The following EXT1 variants were observed in gnomAD, a reference collection of about 807,000 sequenced individuals.
The protein encoded by EXT1 is exostosin glycosyltransferase 1.
Under a neutral mutation model 82.5 loss-of-function variants are expected in EXT1, and 20 were observed. The ratio of observed to expected loss-of-function variants is 0.24; its 90% CI spans 0.17 to 0.35. The LOEUF (loss-of-function observed/expected upper bound fraction) is 0.35, where lower values mean the gene tolerates loss of function less well. Among genes scored for constraint, EXT1 ranks in the 10% least tolerant of loss-of-function variants. The probability of loss-of-function intolerance (pLI) is 1.00; values close to 1 mark genes in which losing one functional copy is unlikely to be tolerated. For synonymous variants in EXT1, 348 were observed against 350.8 expected (o/e 0.99, Z 0.09); for missense variants, 757 against 936.5 (o/e 0.81, Z 2.50).
intron 1 of EXT1, among the ~76,000 whole-genome samples, chr8:117,870,591 C>T (rs1392110701): frequency 2.7e-5 from 4 of 150,680 alleles, no homozygotes; most frequent in Non-Finnish European, 4.4e-5. Context: ...ATTGTGGACA[C>T]ATGGCTCATT....
At chr8:118,073,769 T>C (rs183001367) in intron 1 of EXT1, among the ~76,000 whole-genome samples, 2 of 152,332 alleles carry the variant, frequency 1.3e-5, no homozygotes, top group East Asian at 3.9e-4. Context: ...TTCATGCCCA[T>C]TCATTTCAGA....
At chr8:118,086,829 T>G (rs1817427893) in intron 1 of EXT1, among the ~76,000 whole-genome samples, 1 of 152,220 alleles carries the variant, frequency 6.6e-6, no homozygotes, top group Non-Finnish European at 1.5e-5. Flanking sequence ...CAATTAGTTT[T>G]GTAGTAGACA....
intron 4 of EXT1, among the ~76,000 whole-genome samples, chr8:117,829,023 C>A (rs527385182): frequency 1.1e-4 from 16 of 152,098 alleles, no homozygotes; most frequent in Non-Finnish European, 1.0e-4. Flanking sequence ...AGTGTAGGTT[C>A]CATATTACAT....
At chr8:117,804,951 C>T in intron 9 of EXT1, 58 bp from the exon 10 acceptor site, 1 of 1,555,728 alleles carries the variant, frequency 6.4e-7, no homozygotes, top group South Asian at 1.1e-5. Flanking sequence ...GACAAGTGGA[C>T]TTCTGAGACA....
intron 1 of EXT1, among the ~76,000 whole-genome samples, chr8:117,884,245 G>A (rs1813109656): frequency 6.6e-6 from 1 of 152,160 alleles, no homozygotes; most frequent in Non-Finnish European, 1.5e-5. Flanking sequence ...CTCCATCCCA[G>A]ACAGCAGGAA....
intron 1 of EXT1, among the ~76,000 whole-genome samples, chr8:117,915,645 A>T (rs1000564707): frequency 6.6e-6 from 1 of 152,202 alleles, no homozygotes; most frequent in South Asian, 2.1e-4. Flanking sequence ...ACCTGAGGTG[A>T]GGAGTTCGAG....
intron 1 of EXT1, among the ~76,000 whole-genome samples, chr8:117,888,719 C>G (rs1173397720): frequency 1.3e-5 from 2 of 152,184 alleles, no homozygotes; most frequent in African/African-American, 4.8e-5. Context: ...TCTGCTTATT[C>G]AAGATCTGTT....
At chr8:117,944,846 G>A (rs1478123522) in intron 1 of EXT1, among the ~76,000 whole-genome samples, 2 of 152,146 alleles carry the variant, frequency 1.3e-5, no homozygotes, top group Non-Finnish European at 2.9e-5. Context: ...CTATGGACCA[G>A]GTCTATGCTC....
intron 1 of EXT1, among the ~76,000 whole-genome samples, chr8:117,921,453 C>T (rs1040186963): frequency 3.3e-5 from 5 of 152,142 alleles, no homozygotes; most frequent in Admixed American, 3.3e-4. Context: ...AGAAACATTG[C>T]CTAGAAATCT....
chr8:118,053,938 C>T (rs1419886516), intron 1 of EXT1, among the ~76,000 whole-genome samples: 2 of 152,302 alleles, frequency 1.3e-5, no homozygotes, highest in East Asian at 3.9e-4. Flanking sequence ...AAGCAGTGGT[C>T]TTCAGTGACC....
At chr8:118,105,204 T>C (rs1287804267) in intron 1 of EXT1, among the ~76,000 whole-genome samples, 1 of 152,186 alleles carries the variant, frequency 6.6e-6, no homozygotes, top group Admixed American at 6.5e-5. Context: ...CAGGAGTTTC[T>C]AGCACTGTGT....
intron 1 of EXT1, among the ~76,000 whole-genome samples, chr8:118,050,976 G>T (rs757226123): frequency 2.0e-5 from 3 of 152,106 alleles, no homozygotes; most frequent in Non-Finnish European, 4.4e-5. Context: ...CTCACAGAAA[G>T]AATGGGAAAA....
chr8:117,951,334 T>C (rs928030267), intron 1 of EXT1, among the ~76,000 whole-genome samples: 12 of 152,238 alleles, frequency 7.9e-5, no homozygotes, highest in Non-Finnish European at 1.5e-4. Flanking sequence ...AGTGAGAATA[T>C]AGGTTCAGGG....
intron 1 of EXT1, among the ~76,000 whole-genome samples, chr8:117,857,523 C>T (rs983224193): frequency 7.6e-6 from 1 of 131,464 alleles, no homozygotes; most frequent in African/African-American, 3.1e-5. Context: ...GGCAACACGG[C>T]AAGACTTCCC....
rs372594513 is a variant in EXT1, at chr8:117,824,694, T to C, written c.1285-2097A>G. On this transcript the variant is annotated intron_variant, in intron 4 of 10. Coordinates refer to ENST00000378204, the MANE Select transcript of EXT1 (RefSeq NM_000127.3). ...TCCATTTATTACATAGTGGTAATAG[T>C]ATAGATATTACATAATACAGCTATT... 3.9e-5 allele frequency among the ~76,000 whole-genome samples: 6 copies of C among 152,210 alleles called. No individual in the cohort carries two copies. The East Asian group carries it at 7.7e-4, about 20-fold the overall frequency.
intron 1 of EXT1, among the ~76,000 whole-genome samples, chr8:118,060,751 T>C (rs1401174674): frequency 6.6e-6 from 1 of 152,200 alleles, no homozygotes; most frequent in East Asian, 1.9e-4. Context: ...TAGGGCTGTA[T>C]CAACATGTCC....
At chr8:117,975,767 G>C (rs2219724) in intron 1 of EXT1, among the ~76,000 whole-genome samples, 1 of 152,094 alleles carries the variant, frequency 6.6e-6, no homozygotes. Flanking sequence ...CAGTGCTTCA[G>C]AAATGCTTGT....
At chr8:117,841,322 T>C (rs1183653441) in intron 1 of EXT1, among the ~76,000 whole-genome samples, 1 of 152,148 alleles carries the variant, frequency 6.6e-6, no homozygotes, top group Non-Finnish European at 1.5e-5. Flanking sequence ...GTACATACTG[T>C]TGAATCCTTT....
intron 1 of EXT1, among the ~76,000 whole-genome samples, chr8:118,098,587 T>A (rs1274551239): frequency 6.6e-6 from 1 of 151,912 alleles, no homozygotes; most frequent in Non-Finnish European, 1.5e-5. Context: ...AAACCCCGTC[T>A]CTACTAAAAA....
Sources: allele counts gnomAD v4.1 joint callset (sites outside exome capture counted in the v4.1 genomes callset), GRCh38; gene constraint gnomAD v4.1.1; transcripts MANE v1.5; gene names NCBI Gene and HGNC (gene_info 2026-07-23, HGNC 2026-07-21).